Variants in CSMD1 observed in about 807,000 individuals in gnomAD.
CSMD1 encodes CUB and sushi domain-containing protein 1.
A neutral mutation model predicts 417.5 loss-of-function variants in CSMD1; 213 were observed. The observed-to-expected ratio is 0.51, with a 90% CI of 0.46 to 0.57. The LOEUF (loss-of-function observed/expected upper bound fraction) is 0.57. Among genes scored for constraint, CSMD1 ranks in the 20% least tolerant of loss-of-function variants. The pLI is 0.00. For missense variants in CSMD1, 6,923 were observed against 4,529.7 expected, an observed-to-expected ratio of 1.53 and a Z score of -15.17; for synonymous variants, 2,862 against 1,736.8, an observed-to-expected ratio of 1.65 and a Z score of -16.11.
intron 8 of CSMD1, among the ~76,000 whole-genome samples, chr8:3,602,931 A>G (rs1414029429): frequency 2.0e-5 from 3 of 152,204 alleles, no homozygotes; most frequent in Non-Finnish European, 4.4e-5. Context: ...TCAGAAGACT[A>G]TTTAAATGTG....
chr8:3,802,845 C>T (rs570727319), intron 5 of CSMD1, among the ~76,000 whole-genome samples: 1 of 152,252 alleles, frequency 6.6e-6, no homozygotes, highest in South Asian at 2.1e-4. Flanking sequence ...CACTTTTAAG[C>T]ATCCGCACTG....
intron 1 of CSMD1, among the ~76,000 whole-genome samples, chr8:4,779,178 G>T (rs373041354): frequency 9.2e-5 from 14 of 152,186 alleles, no homozygotes; most frequent in African/African-American, 3.1e-4. Flanking sequence ...ATATTTTCCA[G>T]TGGTGGCAAA....
intron 23 of CSMD1, among the ~76,000 whole-genome samples, chr8:3,319,584 C>T (rs950044753): frequency 1.3e-5 from 2 of 152,114 alleles, no homozygotes; most frequent in African/African-American, 4.8e-5. Context: ...CTTCCGCACA[C>T]ATTCAACAAT....
intron 1 of CSMD1, among the ~76,000 whole-genome samples, chr8:4,918,053 A>G (rs1379853636): frequency 6.6e-6 from 1 of 152,078 alleles, no homozygotes; most frequent in African/African-American, 2.4e-5. Context: ...TGTGATGTTT[A>G]AAGTCTTATT....
chr8:4,519,844 TAGGATG>T (rs1338120120), intron 2 of CSMD1, among the ~76,000 whole-genome samples: 1 of 147,230 alleles, frequency 6.8e-6, no homozygotes, highest in African/African-American at 2.5e-5. Flanking sequence ...CTAGATCTTA[TAGGATG>T]ACGAAATTCA....
In CSMD1 at chr8:4,111,656, A is replaced by G. The variant is rs930972780; in HGVS notation, c.416-79557T>C. 2.6e-5 allele frequency among the ~76,000 whole-genome samples: 4 copies of G among 152,308 alleles called. No individual in the cohort carries two copies. The South Asian group carries it at 6.2e-4, about 24-fold the overall frequency. Reference sequence around the variant, plus strand: ...GAGTTAGAAGCCATTATCTTCAGCAAATTCCTGCAGGAAGCAAAAGACAAA... The same window carrying G: ...GAGTTAGAAGCCATTATCTTCAGCAGATTCCTGCAGGAAGCAAAAGACAAA... On this transcript the variant is annotated intron_variant, in intron 3 of 69. Transcript: ENST00000635120.
chr8:3,982,228 T>C lies in CSMD1; in HGVS notation c.818+15675A>G, dbSNP rs531971788. 6.0e-5 allele frequency among the ~76,000 whole-genome samples: 9 copies of C among 149,598 alleles called. No individual in the cohort carries two copies. The South Asian group carries it at 1.9e-3, about 31-fold the overall frequency. ...AATAATAATAATAAACTAGTTAGAA[T>C]TAACTACAATCTGAGCTAAAACTTA... is the stretch of plus-strand genomic sequence containing the variant. On this transcript the variant is annotated intron_variant, in intron 5 of 69. Transcript: ENST00000635120.
At chr8:3,239,309 G>T (rs1799347955) in intron 26 of CSMD1, among the ~76,000 whole-genome samples, 1 of 152,284 alleles carries the variant, frequency 6.6e-6, no homozygotes, top group Middle Eastern at 3.4e-3. Context: ...CTGTATAGAG[G>T]TGGGAAGGCC....
chr8:3,433,250 C>G (rs1406399893), intron 12 of CSMD1, among the ~76,000 whole-genome samples: 1 of 152,122 alleles, frequency 6.6e-6, no homozygotes, highest in African/African-American at 2.4e-5. Context: ...TTTTCTGTTT[C>G]TTCAAAATTC....
At chr8:2,985,699 G>C (rs1343516833) in intron 54 of CSMD1, among the ~76,000 whole-genome samples, 5 of 152,236 alleles carry the variant, frequency 3.3e-5, no homozygotes, top group African/African-American at 9.6e-5. Flanking sequence ...CATAGGAGAG[G>C]GTGACTCAGC....
chr8:3,227,216 T>A (rs186462535), intron 27 of CSMD1, among the ~76,000 whole-genome samples: 1 of 151,956 alleles, frequency 6.6e-6, no homozygotes, highest in African/African-American at 2.4e-5. Context: ...CTGGCCAACA[T>A]AGTGAAAACC....
chr8:4,050,146 T>C (rs1798348604), intron 3 of CSMD1, among the ~76,000 whole-genome samples: 1 of 152,188 alleles, frequency 6.6e-6, no homozygotes, highest in Admixed American at 6.5e-5. Context: ...CGTCGCAGCA[T>C]GCCAGGGACA....
chr8:4,396,026 C>A (rs1303877999), intron 3 of CSMD1, among the ~76,000 whole-genome samples: 2 of 152,098 alleles, frequency 1.3e-5, no homozygotes, highest in African/African-American at 4.8e-5. Flanking sequence ...TGTTCTAATT[C>A]TATAGAAGGA....
chr8:2,987,846 C>G (rs138161190), intron 54 of CSMD1, among the ~76,000 whole-genome samples: 1 of 152,302 alleles, frequency 6.6e-6, no homozygotes, highest in East Asian at 1.9e-4. Flanking sequence ...TTCCCATCCA[C>G]TTCCTTAAGC....
intron 2 of CSMD1, among the ~76,000 whole-genome samples, chr8:4,466,677 GAT>G (rs1800190020): frequency 6.6e-6 from 1 of 152,014 alleles, no homozygotes; most frequent in Admixed American, 6.5e-5. Flanking sequence ...TCTGAGTTGG[GAT>G]ATGTTCTCCA....
chr8:4,496,930 A>C (rs544092767), intron 2 of CSMD1, among the ~76,000 whole-genome samples: 2 of 152,332 alleles, frequency 1.3e-5, no homozygotes, highest in African/African-American at 4.8e-5. Flanking sequence ...GAGCGCAGGC[A>C]CAGAGGCTGG....
Position 3,562,338 on chromosome 8 carries a change from C to A in CSMD1, c.1344+12607G>T, listed in dbSNP as rs563296097. ...GAACCCTCCTTTCCTCTATCTGCAT[C>A]TTGGTCAGTATTGCTAATGGGACAC... On this transcript the variant is annotated intron_variant, in intron 10 of 69. Transcript: ENST00000635120. 4.3e-5 allele frequency among the ~76,000 whole-genome samples: 4 copies of A among 93,862 alleles called. No homozygotes were observed. In the South Asian group the frequency reaches 1.2e-3, roughly 27 times the overall value. The allele number at this position is 93,862 out of a possible 152,430, so 61.6% of individuals were successfully genotyped here.
At chr8:3,257,299 G>T (rs980143292) in intron 26 of CSMD1, among the ~76,000 whole-genome samples, 1 of 152,182 alleles carries the variant, frequency 6.6e-6, no homozygotes, top group African/African-American at 2.4e-5. Flanking sequence ...ACTCCAGCCC[G>T]CGCTATAAGA....
chr8:3,847,319 T>A (rs998779617), intron 5 of CSMD1, among the ~76,000 whole-genome samples: 2 of 152,130 alleles, frequency 1.3e-5, no homozygotes, highest in African/African-American at 4.8e-5. Flanking sequence ...CTGACCTACT[T>A]AGAGGAACCC....
Sources: allele counts gnomAD v4.1 joint callset (sites outside exome capture counted in the v4.1 genomes callset), GRCh38; gene constraint gnomAD v4.1.1; transcripts MANE v1.5; gene names NCBI Gene and HGNC (gene_info 2026-07-23, HGNC 2026-07-21).